The following HMCN1 variants were observed in gnomAD, a reference collection of about 807,000 sequenced individuals.
HMCN1 encodes the protein hemicentin 1, also known as hemicentin-1.
In HMCN1, 321 loss-of-function variants were observed where a neutral mutation model predicts 625.9. That is an observed-to-expected ratio of 0.51 (90% CI 0.47 to 0.56). The LOEUF (loss-of-function observed/expected upper bound fraction) is 0.56, where lower values mean the gene tolerates loss of function less well. Ranked by LOEUF, HMCN1 falls within the 20% of genes least tolerant of loss-of-function variation. HMCN1 has a pLI of 0.00. For missense variants in HMCN1, 6,588 were observed against 6,887.3 expected, an observed-to-expected ratio of 0.96 and a Z score of 1.54; for synonymous variants, 2,425 against 2,417.6, an observed-to-expected ratio of 1.00 and a Z score of -0.09.
chr1:185,924,215 CTTTTTTTTTTTTT>C (rs58164381), intron 8 of HMCN1, among the ~76,000 whole-genome samples: 667 of 43,656 alleles, frequency 0.015, 8 homozygotes, highest in African/African-American at 0.052. Flanking sequence ...CTGACCCAAT[CTTTTTTTTTTTTT>C]TTTTTTTTTT....
Position 186,117,081 on chromosome 1 carries a change from A to C in HMCN1, c.11649A>C (p.Gly3883=), listed in dbSNP as rs1470636580. Residue 3883 remains glycine (G), a synonymous_variant, in exon 76 of 107, where the codon GGA becomes GGC. Coordinates refer to ENST00000271588, the MANE Select transcript of HMCN1 (RefSeq NM_031935.3). Reference sequence around the variant, plus strand: ...AATGTACTGTGACAAACGGTGCTGGAGATGATAAAAGAACTGTGGATCTCA... The same window carrying C: ...AATGTACTGTGACAAACGGTGCTGGCGATGATAAAAGAACTGTGGATCTCA... ...TYECTVTNGA[G]DDKRTVDLTV... is the part of the protein sequence containing the mutation. 6.2e-7 allele frequency: 1 copy of C among 1,613,398 alleles called. No individual in the cohort carries two copies. The highest frequency in any genetic ancestry group is 1.3e-5 in the African/African-American group (1 of 74,882).
chr1:185,911,632 A>G (rs1558059398), intron 5 of HMCN1, 42 bp from the exon 6 acceptor site: 1 of 1,341,500 alleles, frequency 7.5e-7, no homozygotes, highest in East Asian at 2.3e-5. Context: ...TACATAGCTG[A>G]GAGAAGGATT....
intron 94 of HMCN1, 51 bp from the exon 95 acceptor site, chr1:186,151,553 TAA>T (rs1558262273): frequency 6.5e-7 from 1 of 1,548,718 alleles, no homozygotes; most frequent in South Asian, 1.1e-5. Context: ...ATGAAGACAA[TAA>T]AATAGACTAA....
chr1:186,016,564 C>T (rs574392461), intron 32 of HMCN1, among the ~76,000 whole-genome samples: 3 of 152,164 alleles, frequency 2.0e-5, no homozygotes, highest in South Asian at 2.1e-4. Context: ...TAACAGGAAA[C>T]TCAGTCTCTG....
At chr1:186,122,740 C>A (rs1661453750) in intron 80 of HMCN1, among the ~76,000 whole-genome samples, 1 of 152,140 alleles carries the variant, frequency 6.6e-6, no homozygotes, top group Non-Finnish European at 1.5e-5. Context: ...TATCACTTAA[C>A]ATTTATGGGT....
intron 1 of HMCN1, among the ~76,000 whole-genome samples, chr1:185,792,210 T>A (rs1658055350): frequency 6.6e-6 from 1 of 152,228 alleles, no homozygotes; most frequent in South Asian, 2.1e-4. Context: ...ACCATGCTAA[T>A]AACAACAATT....
rs980947 is a variant in HMCN1, at chr1:186,016,799, C to T, written c.5192-164C>T. On this transcript the variant is annotated intron_variant, in intron 32 of 106. Coordinates refer to ENST00000271588, the MANE Select transcript of HMCN1 (RefSeq NM_031935.3). ...AGTATGTTTATTGATCCTGACAAGG[C>T]TTTATTGTAAAATGTATTTACAATG... is the stretch of plus-strand genomic sequence containing the variant. Among the ~76,000 whole-genome samples the T allele has an allele frequency of 2.8e-3, 430 of 151,950 alleles. 3 individuals are homozygous for T. The highest frequency in any genetic ancestry group is 9.8e-3 in the African/African-American group (406 of 41,480).
At chr1:185,978,147 T>G in intron 16 of HMCN1, 166 bp downstream of exon 16, 1 of 586,424 alleles carries the variant, frequency 1.7e-6, no homozygotes, top group Non-Finnish European at 3.0e-6. Flanking sequence ...ATTCGGGAAT[T>G]GTCATAAATG....
At chr1:185,989,851 A>G (rs1394688617) in intron 21 of HMCN1, among the ~76,000 whole-genome samples, 1 of 151,626 alleles carries the variant, frequency 6.6e-6, no homozygotes, top group African/African-American at 2.4e-5. Context: ...TCTGATTTTA[A>G]GGAATGCAAT....
At chr1:186,039,700 G>T (rs751019282) in intron 38 of HMCN1, 28 bp from the exon 39 acceptor site, 2 of 1,608,888 alleles carry the variant, frequency 1.2e-6, no homozygotes, top group Non-Finnish European at 1.7e-6. Flanking sequence ...TGATATTAAC[G>T]TGTCTTACTT....
chr1:186,094,147 C>CT (rs1659999105), intron 66 of HMCN1, 129 bp from the exon 67 acceptor site: 1 of 766,642 alleles, frequency 1.3e-6, no homozygotes, highest in African/African-American at 1.7e-5. Context: ...TGATGGATGG[C>CT]TATAAGCTTC....
At chr1:185,825,183 G>T (rs4651288) in intron 1 of HMCN1, among the ~76,000 whole-genome samples, 35,253 of 151,882 alleles carry the variant, frequency 0.23, 4,523 homozygotes, top group Non-Finnish European at 0.29. Context: ...CTGAGGAGGG[G>T]TACTTCCAAG....
intron 11 of HMCN1, among the ~76,000 whole-genome samples, chr1:185,942,237 C>T (rs868747476): frequency 2.7e-5 from 4 of 150,472 alleles, no homozygotes; most frequent in Middle Eastern, 3.4e-3. Flanking sequence ...ATATGAATGA[C>T]TTAATAAGTA....
At chr1:186,000,919 T>C (rs2102065910) in intron 26 of HMCN1, among the ~76,000 whole-genome samples, 1 of 152,156 alleles carries the variant, frequency 6.6e-6, no homozygotes, top group Middle Eastern at 3.4e-3. Flanking sequence ...ATTTTAAAAT[T>C]TGATGAATAT....
chr1:185,835,357 G>A (rs1301926341), intron 1 of HMCN1, among the ~76,000 whole-genome samples: 1 of 151,838 alleles, frequency 6.6e-6, no homozygotes, highest in African/African-American at 2.4e-5. Flanking sequence ...TTTTGGATAT[G>A]TGCCACAGCT....
At chr1:186,009,623 G>T (rs975094645) in intron 30 of HMCN1, among the ~76,000 whole-genome samples, 10 of 151,964 alleles carry the variant, frequency 6.6e-5, no homozygotes, top group African/African-American at 2.2e-4. Context: ...GAAGCAGGTG[G>T]GTTGATACAC....
At chr1:186,094,541 A>G (rs1660024709) in intron 67 of HMCN1, among the ~76,000 whole-genome samples, 168 bp downstream of exon 67, 1 of 152,156 alleles carries the variant, frequency 6.6e-6, no homozygotes. Flanking sequence ...CAAGGGGTCC[A>G]TATTATTGGA....
chr1:185,737,007 AAG>A (rs1405512195), intron 1 of HMCN1, among the ~76,000 whole-genome samples: 1 of 151,490 alleles, frequency 6.6e-6, no homozygotes. Flanking sequence ...TTTGAAAATA[AAG>A]AGAGAAATTG....
intron 1 of HMCN1, among the ~76,000 whole-genome samples, chr1:185,788,119 G>A (rs1657749800): frequency 6.6e-6 from 1 of 152,198 alleles, no homozygotes; most frequent in Admixed American, 6.5e-5. Flanking sequence ...TGGTGAGTTT[G>A]AAATGTATGC....
Sources: allele counts gnomAD v4.1 joint callset (sites outside exome capture counted in the v4.1 genomes callset), GRCh38; gene constraint gnomAD v4.1.1; transcripts MANE v1.5; gene names NCBI Gene and HGNC (gene_info 2026-07-23, HGNC 2026-07-21).